WRN: variants seen among roughly 807,000 people sequenced by gnomAD.
WRN encodes WRN RecQ like helicase, also known as bifunctional 3'-5' exonuclease/ATP-dependent helicase WRN.
WRN carries 149 observed loss-of-function variants against 180.7 expected under a neutral mutation model. That is an observed-to-expected ratio of 0.82 (90% confidence interval 0.72 to 0.94). The LOEUF (loss-of-function observed/expected upper bound fraction) is 0.94, where lower values mean the gene tolerates loss of function less well. Ranked by LOEUF, WRN falls within the 40% of genes least tolerant of loss-of-function variation. The pLI, the probability that WRN is intolerant of heterozygous loss-of-function variation, is 0.00. For missense variants in WRN, 1,661 were observed against 1,700.1 expected (o/e 0.98, Z 0.40); for synonymous variants, 548 against 568.9 (o/e 0.96, Z 0.52).
chr8:31,038,858 C>A (rs1336085006), intron 1 of WRN, among the ~76,000 whole-genome samples: 1 of 152,164 alleles, frequency 6.6e-6, no homozygotes, highest in Non-Finnish European at 1.5e-5. Context: ...ATGGACTTGG[C>A]ACCCTTGTCA....
rs368115321 is a variant in WRN at position 31,143,568 on chromosome 8, T to G, written c.3328T>G (p.Tyr1110Asp). Residue 1110 changes from tyrosine (Y) to aspartate (D), a missense_variant, in exon 28 of 35, where the codon TAT (tyrosine) becomes GAT (aspartate). Transcript: ENST00000298139. ...AATGCAGTCTAACTTGGAGAAGTTA[T>G]ATTCTTATAAACCATGTGATAAGAT... ...TEKKSNLEKL[Y>D]SYKPCDKISS... 2.9e-5 allele frequency: 47 copies of G among 1,594,602 alleles called. No homozygotes were observed. The highest frequency in any genetic ancestry group is 3.9e-5 in the Non-Finnish European group (46 of 1,164,702).
At position 31,167,097 on chromosome 8, in the gene WRN, A is replaced by C; in HGVS notation, c.4058A>C (p.Glu1353Ala). 6.2e-7 allele frequency: 1 copy of C among 1,613,498 alleles called. No individual in the cohort carries two copies. The highest frequency in any genetic ancestry group is 8.5e-7 in the Non-Finnish European group (1 of 1,179,556). Residue 1353 changes from glutamate (E) to alanine (A), a missense_variant, in exon 34 of 35, where the codon GAG becomes GCG. Around this residue, in one of 3 missense-constraint regions of WRN, gnomAD observed 1,141 missense variants for 1,149.4 expected, o/e 0.99. Transcript: ENST00000298139. ...ACGTACCTTATCCACATGGCAATTG[A>C]GATCCTTAAACATGGTCCTGACAGC... The part of the protein sequence containing the change: ...IDTYLIHMAI[E>A]ILKHGPDSGL...
intron 1 of WRN, among the ~76,000 whole-genome samples, chr8:31,056,897 C>G (rs1812295713): frequency 6.6e-6 from 1 of 152,202 alleles, no homozygotes; most frequent in South Asian, 2.1e-4. Flanking sequence ...AATAAAGACC[C>G]TTAGTAAGCT....
chr8:31,043,957 T>C (rs1005231778), intron 1 of WRN, among the ~76,000 whole-genome samples: 1 of 152,246 alleles, frequency 6.6e-6, no homozygotes, highest in Non-Finnish European at 1.5e-5. Flanking sequence ...ATTTTTCTTC[T>C]TGTTTGTATT....
At chr8:31,072,546 C>T (rs1411082600) in intron 7 of WRN, among the ~76,000 whole-genome samples, 1 of 152,156 alleles carries the variant, frequency 6.6e-6, no homozygotes, top group Non-Finnish European at 1.5e-5. Flanking sequence ...GTTGCCCAGC[C>T]TGGCTCAGAC....
intron 34 of WRN, among the ~76,000 whole-genome samples, chr8:31,168,508 TG>T (rs1303991714): frequency 1.3e-5 from 1 of 76,636 alleles, no homozygotes; most frequent in Non-Finnish European, 2.4e-5. Context: ...AAGAGAATGG[TG>T]GGTATTTTGG....
At chr8:31,073,494 TAA>T (rs1585418603) in intron 7 of WRN, among the ~76,000 whole-genome samples, 1 of 152,154 alleles carries the variant, frequency 6.6e-6, no homozygotes, top group East Asian at 1.9e-4. Context: ...TTGGATATCC[TAA>T]GTTTTAGATG....
chr8:31,133,029 A>G (rs1802247102), intron 24 of WRN, among the ~76,000 whole-genome samples: 1 of 152,334 alleles, frequency 6.6e-6, no homozygotes, highest in South Asian at 2.1e-4. Context: ...TGCCTTTACT[A>G]ATGAATAAAT....
chr8:31,163,105 C>T (rs1251460371), intron 33 of WRN, among the ~76,000 whole-genome samples: 7 of 152,102 alleles, frequency 4.6e-5, no homozygotes, highest in Non-Finnish European at 8.8e-5. Context: ...TGTGTGTGTG[C>T]ACACGCGCAC....
chr8:31,093,833 T>C (rs1214194557), intron 16 of WRN, among the ~76,000 whole-genome samples: 3 of 152,224 alleles, frequency 2.0e-5, no homozygotes, highest in Admixed American at 2.0e-4. Context: ...TCTAAACTTA[T>C]ATACATGGAG....
At chr8:31,135,930 A>G (rs1278400863) in intron 24 of WRN, among the ~76,000 whole-genome samples, 1 of 152,008 alleles carries the variant, frequency 6.6e-6, no homozygotes, top group Non-Finnish European at 1.5e-5. Flanking sequence ...AGTTCTCTTT[A>G]TTCTAACACT....
chr8:31,142,343 G>A (rs190887731), intron 26 of WRN, among the ~76,000 whole-genome samples: 81 of 152,266 alleles, frequency 5.3e-4, no homozygotes, highest in Middle Eastern at 3.4e-3. Context: ...CAATGCGGAG[G>A]AATCCATATA....
At position 31,147,055 on chromosome 8, in the gene WRN, T is replaced by A. The variant is rs761932192; in HGVS notation, c.3386T>A (p.Ile1129Asn). 1 of 1,611,848 alleles carries A rather than the reference T, an allele frequency of 6.2e-7. No homozygotes were observed. The change falls in exon 29 of 35, where the codon ATC (isoleucine) becomes AAC (asparagine). Residue 1129 changes from isoleucine (I) to asparagine (N), a missense_variant and splice_region_variant. Coordinates refer to ENST00000298139, the MANE Select transcript of WRN (RefSeq NM_000553.6). ...TTATTTTCTTTTAAATATTTTAGTA[T>A]CATGGTACAGTCACCAGAAAAAGCT... ...SSGSNISKKS[I>N]MVQSPEKAYS...
chr8:31,139,059 A>T (rs1176700639), intron 24 of WRN, among the ~76,000 whole-genome samples: 1 of 152,218 alleles, frequency 6.6e-6, no homozygotes, highest in Non-Finnish European at 1.5e-5. Context: ...TATTAAAACA[A>T]TGTATCTTTA....
intron 17 of WRN, among the ~76,000 whole-genome samples, chr8:31,099,382 AAAAG>A (rs1814121351): frequency 6.9e-6 from 1 of 144,606 alleles, no homozygotes; most frequent in Non-Finnish European, 1.5e-5. Flanking sequence ...TTAGCCTAAG[AAAAG>A]GAAGGAAGGA....
chr8:31,085,040 A>G, intron 10 of WRN, 126 bp from the exon 11 acceptor site: 4 of 649,112 alleles, frequency 6.2e-6, no homozygotes, highest in Non-Finnish European at 1.0e-5. Context: ...GTAAATATAT[A>G]TTATATATCC....
chr8:31,064,239 A>G (rs1812606516), intron 3 of WRN, 50 bp from the exon 4 acceptor site: 2 of 1,607,430 alleles, frequency 1.2e-6, no homozygotes, highest in East Asian at 4.5e-5. Flanking sequence ...AGTTATGCAG[A>G]AGTTTAAAAT....
Position 31,147,469 on chromosome 8 carries a change from A to C in WRN, c.3565A>C (p.Lys1189Gln). ...ATNKILVDMA[K>Q]MRPTTVENVK... ...AAACAAGATACTGGTGGATATGGCCAAAATGAGGTAAACTATCTTTTGCAT... is the reference window on the plus strand; with the variant it reads ...AAACAAGATACTGGTGGATATGGCCCAAATGAGGTAAACTATCTTTTGCAT... The change falls in exon 30 of 35, where the codon AAA (lysine) becomes CAA (glutamine). Residue 1189 changes from lysine (K) to glutamine (Q), a missense_variant. By Grantham distance (53) the Lys-to-Gln change is moderately conservative (BLOSUM62 1). This residue lies in a region of WRN where 1,141 missense variants were observed against 1,149.4 expected (regional missense o/e 0.99). Transcript: ENST00000298139. 1 of 1,608,764 alleles carries C rather than the reference A, an allele frequency of 6.2e-7. No individual in the cohort carries two copies. Among genetic ancestry groups the C allele is most frequent in the Non-Finnish European group, 8.5e-7 (1 of 1,178,812 alleles).
intron 27 of WRN, among the ~76,000 whole-genome samples, chr8:31,143,024 GAC>G (rs10529735): frequency 0.066 from 9,012 of 136,434 alleles, 748 homozygotes; most frequent in African/African-American, 0.21. Context: ...TCTTATTAAA[GAC>G]ACACACACAC....
Sources: allele counts gnomAD v4.1 joint callset (sites outside exome capture counted in the v4.1 genomes callset), GRCh38; gene constraint gnomAD v4.1.1; regional missense constraint gnomAD v4.1.1; transcripts MANE v1.5; gene names NCBI Gene and HGNC (gene_info 2026-07-23, HGNC 2026-07-21).